Variants in CCDC47 observed in about 807,000 individuals in gnomAD.
CCDC47 encodes the protein coiled-coil domain containing 47, also known as PAT complex subunit CCDC47.
In CCDC47, 41 loss-of-function variants were observed where a neutral mutation model predicts 60.5. The ratio of observed to expected loss-of-function variants is 0.68; its 90% CI spans 0.53 to 0.88. The LOEUF (loss-of-function observed/expected upper bound fraction) is 0.88, where lower values mean the gene tolerates loss of function less well. Among genes scored for constraint, CCDC47 ranks in the 40% least tolerant of loss-of-function variants. The probability of loss-of-function intolerance (pLI) is 0.00; values close to 1 mark genes in which losing one functional copy is unlikely to be tolerated. For synonymous variants in CCDC47, 195 were observed against 190.7 expected, an observed-to-expected ratio of 1.02 and a Z score of -0.18; for missense variants, 513 against 580.9, an observed-to-expected ratio of 0.88 and a Z score of 1.20.
At position 63,764,758 on chromosome 17, in the gene CCDC47, G is replaced by T; in HGVS notation, c.354C>A (p.Asp118Glu). ...TACCTACATCAACAATCGTTATTGG[G>T]TCTTTATTTTTGCTAGAAGAAGTAT... ...KPDTSSSKNK[D>E]PITIVDVPAH... The change falls in exon 3 of 13, where the codon GAC becomes GAA. Residue 118 changes from aspartate (D) to glutamate (E), a missense_variant. Transcript: ENST00000225726. 4.3e-6 allele frequency: 7 copies of T among 1,612,818 alleles called. No individual in the cohort carries two copies. The highest frequency in any genetic ancestry group is 5.9e-6 in the Non-Finnish European group (7 of 1,179,740).
chr17:63,769,208 C>A (rs2039318125), intron 1 of CCDC47, among the ~76,000 whole-genome samples: 1 of 149,888 alleles, frequency 6.7e-6, no homozygotes, highest in Non-Finnish European at 1.5e-5. Flanking sequence ...CATGACTGCG[C>A]CACTGCACTA....
In CCDC47 at chr17:63,765,908, T is replaced by G; in HGVS notation, c.264+4A>C. On this transcript the variant is annotated splice_donor_region_variant and intron_variant, in intron 2 of 12. Transcript: ENST00000225726. ...TTCCAATAAATTAATAAAAAGAGCC[T>G]CACCTGGGTATCTGCATCTTCAAAA... is the stretch of plus-strand genomic sequence containing the variant. 6.2e-7 allele frequency: 1 copy of G among 1,600,818 alleles called. No individual in the cohort carries two copies. Among genetic ancestry groups the G allele is most frequent in the South Asian group, 1.1e-5 (1 of 88,564 alleles).
At chr17:63,754,818 G>C (rs564591324) in intron 8 of CCDC47, among the ~76,000 whole-genome samples, 59 of 151,770 alleles carry the variant, frequency 3.9e-4, no homozygotes, top group African/African-American at 1.4e-3. Flanking sequence ...GGGAGGTGGA[G>C]GTTGCCGTGA....
At chr17:63,768,087 A>C (rs1192534976) in intron 1 of CCDC47, among the ~76,000 whole-genome samples, 1 of 152,224 alleles carries the variant, frequency 6.6e-6, no homozygotes, top group Non-Finnish European at 1.5e-5. Flanking sequence ...TCTAAAACAG[A>C]ACTTTTGTTA....
At chr17:63,754,778 G>A (rs1841981550) in intron 8 of CCDC47, among the ~76,000 whole-genome samples, 2 of 151,566 alleles carry the variant, frequency 1.3e-5, no homozygotes, top group South Asian at 4.2e-4. Flanking sequence ...AGCTATCCAA[G>A]AGGCTGAGGC....
At chr17:63,762,867 A>G (rs1046240592) in intron 4 of CCDC47, among the ~76,000 whole-genome samples, 3 of 152,254 alleles carry the variant, frequency 2.0e-5, no homozygotes, top group African/African-American at 7.2e-5. Flanking sequence ...ACTAATCAGA[A>G]GCTGTTTAGC....
At chr17:63,755,896 C>G (rs1461050656) in intron 8 of CCDC47, among the ~76,000 whole-genome samples, 2 of 146,466 alleles carry the variant, frequency 1.4e-5, no homozygotes, top group Non-Finnish European at 3.0e-5. Context: ...CTCTACACAT[C>G]CCTCTTCTCC....
Position 63,752,600 on chromosome 17 carries a change from G to C in CCDC47, c.1093+141C>G, listed in dbSNP as rs796067291. 6 of 891,388 alleles carry C rather than the reference G, an allele frequency of 6.7e-6. No individual in the cohort carries two copies. The East Asian group carries it at 1.6e-4, about 24-fold the overall frequency. 55.2% of individuals were successfully genotyped at this position (891,388 alleles called of 1,614,324 possible). On this transcript the variant is annotated intron_variant, in intron 10 of 12. Transcript: ENST00000225726. ...AATATATAATAGGTAATTTCTTCTTGAAGAAATCTGGAAATCAGTAAGCAA... is the reference window on the plus strand; with the variant it reads ...AATATATAATAGGTAATTTCTTCTTCAAGAAATCTGGAAATCAGTAAGCAA...
intron 8 of CCDC47, 56 bp downstream of exon 8, chr17:63,756,184 G>A: frequency 8.8e-7 from 1 of 1,133,946 alleles, no homozygotes; most frequent in South Asian, 1.2e-5. Flanking sequence ...GACTTTTAGG[G>A]AGAGTGTCCT....
chr17:63,770,967 G>A (rs2039333814), intron 1 of CCDC47, among the ~76,000 whole-genome samples: 1 of 133,692 alleles, frequency 7.5e-6, no homozygotes, highest in Non-Finnish European at 1.6e-5. Flanking sequence ...CAGCCTGGGT[G>A]ACAGAGCGAG....
intron 4 of CCDC47, among the ~76,000 whole-genome samples, chr17:63,763,657 C>G (rs557473560): frequency 5.4e-5 from 8 of 148,292 alleles, no homozygotes; most frequent in Non-Finnish European, 9.1e-5. Flanking sequence ...AACCCCGACT[C>G]TACTAAAAAT....
intron 4 of CCDC47, 98 bp from the exon 5 acceptor site, chr17:63,761,449 A>T: frequency 1.4e-5 from 17 of 1,221,740 alleles, no homozygotes; most frequent in African/African-American, 3.2e-5. Context: ...TGGGAGGCTG[A>T]GGTGGGTGGA....
chr17:63,770,996 A>AAAAAG (rs1598313492), intron 1 of CCDC47, among the ~76,000 whole-genome samples: 4 of 89,440 alleles, frequency 4.5e-5, no homozygotes, highest in Non-Finnish European at 6.5e-5. Context: ...AAAAAAAAAA[A>AAAAAG]AAAGAAAGAA....
chr17:63,756,602 C>T, intron 6 of CCDC47, 32 bp from the exon 7 acceptor site: 1 of 1,492,526 alleles, frequency 6.7e-7, no homozygotes. Context: ...CAACAAAATT[C>T]ACCTGTTAGG....
chr17:63,753,754 A>G (rs548326607), intron 9 of CCDC47: 1 of 289,716 alleles, frequency 3.5e-6, no homozygotes, highest in Non-Finnish European at 5.2e-6. Flanking sequence ...ATTACAAAAC[A>G]CACAGATTTG....
At position 63,746,110 on chromosome 17, in the gene CCDC47, T is replaced by C. The variant is rs1598303266; in HGVS notation, c.*771A>G. On this transcript the variant is annotated 3_prime_UTR_variant, in exon 13 of 13. Transcript: ENST00000225726. ...CCAATGATCTTACCTAGGTGAAGCATTAATTTTTCATGCATTTGTTACTCA... is the reference window on the plus strand; with the variant it reads ...CCAATGATCTTACCTAGGTGAAGCACTAATTTTTCATGCATTTGTTACTCA... The C allele has an allele frequency of 6.6e-6, 1 of 152,352 alleles. No homozygotes were observed. The highest frequency in any genetic ancestry group is 6.5e-5 in the Admixed American group (1 of 15,308). The allele number at this position is 152,352 out of a possible 1,614,324, so 9.4% of individuals were successfully genotyped here.
chr17:63,755,308 G>T (rs117617202), intron 8 of CCDC47: 1 of 984,406 alleles, frequency 1.0e-6, no homozygotes, highest in African/African-American at 1.7e-5. Flanking sequence ...ATAAGATAGG[G>T]AATCTCTTTA....
intron 4 of CCDC47, chr17:63,762,365 C>G: frequency 2.4e-6 from 1 of 411,544 alleles, no homozygotes; most frequent in Non-Finnish European, 3.3e-6. Flanking sequence ...GTGGACTTTG[C>G]AAACAGGTAG....
intron 12 of CCDC47, among the ~76,000 whole-genome samples, chr17:63,749,130 G>A (rs1180785990): frequency 1.3e-5 from 2 of 152,114 alleles, no homozygotes; most frequent in South Asian, 2.1e-4. Flanking sequence ...AAAATAGCTG[G>A]GCGTAGTGGC....
Sources: allele counts gnomAD v4.1 joint callset (sites outside exome capture counted in the v4.1 genomes callset), GRCh38; gene constraint gnomAD v4.1.1; transcripts MANE v1.5; gene names NCBI Gene and HGNC (gene_info 2026-07-23, HGNC 2026-07-21).